NYAP2: variants seen among roughly 807,000 people sequenced by gnomAD.
The protein encoded by NYAP2 is neuronal tyrosine-phosphorylated phosphoinositide-3-kinase adaptor 2.
A neutral mutation model predicts 50.4 loss-of-function variants in NYAP2; 23 were observed. That is an observed-to-expected ratio of 0.46 (90% confidence interval 0.33 to 0.65). The LOEUF (loss-of-function observed/expected upper bound fraction) is 0.65, where lower values mean the gene tolerates loss of function less well. Ranked by LOEUF, NYAP2 falls within the 30% of genes least tolerant of loss-of-function variation. The pLI, the probability that NYAP2 is intolerant of heterozygous loss-of-function variation, is 0.02. For missense variants in NYAP2, 885 were observed against 861.0 expected, an observed-to-expected ratio of 1.03 and a Z score of -0.35; for synonymous variants, 394 against 365.2, an observed-to-expected ratio of 1.08 and a Z score of -0.90.
At chr2:225,510,574 C>G (rs953512697) in intron 3 of NYAP2, among the ~76,000 whole-genome samples, 1 of 152,148 alleles carries the variant, frequency 6.6e-6, no homozygotes, top group African/African-American at 2.4e-5. Flanking sequence ...GGCTAATAAC[C>G]TTTCTGGGTC....
the NYAP2 span, among the ~76,000 whole-genome samples, chr2:225,689,261 T>C: frequency 6.6e-6 from 1 of 152,192 alleles, no homozygotes; most frequent in South Asian, 2.1e-4. Context: ...AAATGAGCAA[T>C]AGATGTTAAT....
At chr2:225,559,625 G>A (rs948460627) in intron 4 of NYAP2, among the ~76,000 whole-genome samples, 3 of 152,068 alleles carry the variant, frequency 2.0e-5, no homozygotes, top group Non-Finnish European at 4.4e-5. Flanking sequence ...TTTACTGGAA[G>A]TGAGGAGAAG....
At chr2:225,681,626 A>C in the NYAP2 span, among the ~76,000 whole-genome samples, 1 of 152,196 alleles carries the variant, frequency 6.6e-6, no homozygotes, top group Non-Finnish European at 1.5e-5. Context: ...GAAAATGAGC[A>C]CTTTTGGTCA....
chr2:225,546,469 C>G (rs768197204), intron 4 of NYAP2, among the ~76,000 whole-genome samples: 13 of 151,992 alleles, frequency 8.6e-5, no homozygotes, highest in Non-Finnish European at 1.9e-4. Flanking sequence ...TTACCACAAC[C>G]ACAGATCCAC....
chr2:225,464,207 T>C (rs564545749), intron 3 of NYAP2, among the ~76,000 whole-genome samples: 37 of 152,274 alleles, frequency 2.4e-4, no homozygotes, highest in African/African-American at 8.9e-4. Context: ...CTGACAGCCA[T>C]GTTAACTCCA....
intron 3 of NYAP2, among the ~76,000 whole-genome samples, chr2:225,440,245 C>T (rs1478504344): frequency 1.3e-5 from 2 of 152,184 alleles, no homozygotes; most frequent in Non-Finnish European, 2.9e-5. Flanking sequence ...GATGCTAATT[C>T]CACCTTCAGA....
At chr2:225,499,155 A>G (rs1457203288) in intron 3 of NYAP2, among the ~76,000 whole-genome samples, 2 of 152,194 alleles carry the variant, frequency 1.3e-5, no homozygotes, top group Non-Finnish European at 2.9e-5. Context: ...GACAAATTGG[A>G]AAAATGTAAA....
rs566797227 is a variant in NYAP2, at chr2:225,506,335, G to A, written c.222-7036G>A. Among the ~76,000 whole-genome samples the A allele has an allele frequency of 9.2e-5, 14 of 152,306 alleles. No homozygotes were observed. The South Asian group carries it at 2.5e-3, about 27-fold the overall frequency. ...TTTGTACTCAAGGCCAATGGGGCTG[G>A]GGAGAGCGTGTGAATATGATGAATT... On this transcript the variant is annotated intron_variant, in intron 3 of 6. Transcript: ENST00000636099.
chr2:225,689,997 T>C, the NYAP2 span, among the ~76,000 whole-genome samples: 6 of 152,112 alleles, frequency 3.9e-5, no homozygotes, highest in Non-Finnish European at 8.8e-5. Context: ...ACTATTTTGG[T>C]ATTGCCCACT....
exon 3 of NYAP2, chr2:225,409,004 A>G (rs1475435076): frequency 2.5e-6 from 4 of 1,612,560 alleles, no homozygotes; most frequent in East Asian, 2.2e-5. Flanking sequence ...TGCGTCAGAT[A>G]TTGCTCGAGA....
chr2:225,466,711 C>T (rs1465829981), intron 3 of NYAP2, among the ~76,000 whole-genome samples: 1 of 152,162 alleles, frequency 6.6e-6, no homozygotes, highest in African/African-American at 2.4e-5. Context: ...AAAGGTAAGT[C>T]AAGATGGTAT....
At chr2:225,589,543 T>TATATATATATATATATATA (rs1553553414) in intron 5 of NYAP2, among the ~76,000 whole-genome samples, 4 of 48,156 alleles carry the variant, frequency 8.3e-5, no homozygotes, top group Non-Finnish European at 1.4e-4. Context: ...ATATATATAT[T>TATATATATATATATATATA]TAATAGCTGG....
rs141366062 is a variant in NYAP2, at chr2:225,410,821, A to G, written c.221+1720A>G. On this transcript the variant is annotated intron_variant, in intron 3 of 6. Transcript: ENST00000636099. ...CTGTCAAGTGTTCAAAAAGGGGCAT[A>G]ACCTCAGAGGACTAAAGTCCAAGGG... is the stretch of plus-strand genomic sequence containing the variant. Among the ~76,000 whole-genome samples the G allele has an allele frequency of 4.8e-3, 734 of 152,226 alleles. 16 individuals carry two copies. Among genetic ancestry groups the G allele is most frequent in the Non-Finnish European group, 8.7e-4 (59 of 68,006 alleles).
intron 3 of NYAP2, among the ~76,000 whole-genome samples, chr2:225,431,995 A>G (rs1264249505): frequency 1.3e-5 from 2 of 151,936 alleles, no homozygotes; most frequent in African/African-American, 4.8e-5. Context: ...TTTGAGATGG[A>G]GTCTCGCTCT....
intron 3 of NYAP2, among the ~76,000 whole-genome samples, chr2:225,432,758 T>A (rs1689289963): frequency 6.6e-6 from 1 of 152,234 alleles, no homozygotes. Context: ...GGTCCAGGAC[T>A]GATATGGCAT....
chr2:225,547,773 C>G (rs1559211207), intron 4 of NYAP2, among the ~76,000 whole-genome samples: 1 of 152,170 alleles, frequency 6.6e-6, no homozygotes, highest in Non-Finnish European at 1.5e-5. Context: ...AAACCAGGTG[C>G]TATCATTGCT....
intron 3 of NYAP2, among the ~76,000 whole-genome samples, chr2:225,512,540 C>CCTTCCCTCCTTCCTTCCTT (rs1690838070): frequency 1.4e-5 from 2 of 145,280 alleles, no homozygotes; most frequent in African/African-American, 2.5e-5. Flanking sequence ...TTCTCTTTTT[C>CCTTCCCTCCTTCCTTCCTT]CTTCCCTCCT....
intron 4 of NYAP2, among the ~76,000 whole-genome samples, chr2:225,576,904 A>T (rs1436997860): frequency 6.6e-6 from 1 of 152,162 alleles, no homozygotes; most frequent in East Asian, 1.9e-4. Flanking sequence ...GTATTCTGGG[A>T]TTCTGTGGCC....
intron 3 of NYAP2, among the ~76,000 whole-genome samples, chr2:225,446,492 A>G (rs1689567831): frequency 6.6e-6 from 1 of 151,992 alleles, no homozygotes; most frequent in African/African-American, 2.4e-5. Flanking sequence ...TCTGTTGAAC[A>G]TGAGAAAGTG....
Sources: allele counts gnomAD v4.1 joint callset (sites outside exome capture counted in the v4.1 genomes callset), GRCh38; gene constraint gnomAD v4.1.1; transcripts MANE v1.5; gene names NCBI Gene and HGNC (gene_info 2026-07-23, HGNC 2026-07-21).